ZMYND8: variants seen among roughly 807,000 people sequenced by gnomAD.
ZMYND8 encodes the protein MYND-type zinc finger-containing chromatin reader ZMYND8.
Under a neutral mutation model 140.8 loss-of-function variants are expected in ZMYND8, and 37 were observed. The observed-to-expected ratio is 0.26, with a 90% CI of 0.20 to 0.35. The LOEUF is 0.35. Among genes scored for constraint, ZMYND8 ranks in the 10% least tolerant of loss-of-function variants. The probability of loss-of-function intolerance (pLI) is 1.00; values close to 1 mark genes in which losing one functional copy is unlikely to be tolerated. For missense variants in ZMYND8, 1,068 were observed against 1,570.0 expected, an observed-to-expected ratio of 0.68 and a Z score of 5.40; for synonymous variants, 592 against 597.1, an observed-to-expected ratio of 0.99 and a Z score of 0.12.
chr20:47,228,226 A>G (rs919532758), intron 17 of ZMYND8, among the ~76,000 whole-genome samples: 3 of 152,170 alleles, frequency 2.0e-5, no homozygotes, highest in Non-Finnish European at 2.9e-5. Flanking sequence ...GGTTGTCACA[A>G]TTGAGCAGTG....
At chr20:47,335,468 A>C (rs950336618) in intron 2 of ZMYND8, among the ~76,000 whole-genome samples, 4 of 152,062 alleles carry the variant, frequency 2.6e-5, no homozygotes, top group African/African-American at 9.7e-5. Flanking sequence ...GATCACCTCA[A>C]GTCATCGGTA....
intron 4 of ZMYND8, among the ~76,000 whole-genome samples, chr20:47,296,844 T>C (rs1361334897): frequency 3.3e-5 from 5 of 151,720 alleles, no homozygotes; most frequent in Non-Finnish European, 5.9e-5. Flanking sequence ...TGGTCCCAGG[T>C]ACTCAGGAGG....
intron 2 of ZMYND8, among the ~76,000 whole-genome samples, chr20:47,312,238 C>T (rs2078994094): frequency 6.6e-6 from 1 of 152,160 alleles, no homozygotes; most frequent in Non-Finnish European, 1.5e-5. Context: ...CAACGTGGTC[C>T]ACGCAAGGCC....
At position 47,209,748 on chromosome 20, in the gene ZMYND8, T is replaced by C. The variant is rs2035005468; in HGVS notation, c.*1013A>G. The C allele has an allele frequency of 1.3e-5, 2 of 152,686 alleles. No homozygotes were observed. The highest frequency in any genetic ancestry group is 2.1e-4 in the South Asian group (1 of 4,834). The allele number at this position is 152,686 out of a possible 1,614,324, so 9.5% of individuals were successfully genotyped here. On this transcript the variant is annotated 3_prime_UTR_variant, in exon 23 of 23. Coordinates refer to ENST00000471951, the MANE Select transcript of ZMYND8 (RefSeq NM_001281775.3). ...CAGCATACGTAGTGTACGGACAGCA[T>C]GACGGGCCTTGCTTTCTCTCATACT...
chr20:47,348,390 T>C, intron 1 of ZMYND8: 1 of 180,332 alleles, frequency 5.5e-6, no homozygotes, highest in Non-Finnish European at 1.2e-5. Context: ...TACAATTCCC[T>C]GATGAGGCAG....
At chr20:47,327,814 T>G (rs1233811404) in intron 2 of ZMYND8, among the ~76,000 whole-genome samples, 1 of 152,156 alleles carries the variant, frequency 6.6e-6, no homozygotes, top group African/African-American at 2.4e-5. Flanking sequence ...TAACTTATTG[T>G]TTTTTTGTTT....
chr20:47,224,669 C>A (rs2037431632), intron 18 of ZMYND8, 113 bp from the exon 19 acceptor site: 1 of 1,544,308 alleles, frequency 6.5e-7, no homozygotes, highest in Non-Finnish European at 8.7e-7. Context: ...CTGGGAGAAG[C>A]CCTGGCTGTG....
Position 47,246,455 on chromosome 20 carries a change from C to T in ZMYND8, c.1837G>A (p.Glu613Lys). 1 of 1,613,840 alleles carries T rather than the reference C, an allele frequency of 6.2e-7. No homozygotes were observed. The change falls in exon 14 of 23, where the codon GAG becomes AAG. Residue 613 changes from glutamate (E) to lysine (K), a missense_variant. Coordinates refer to ENST00000471951, the MANE Select transcript of ZMYND8 (RefSeq NM_001281775.3). ...TCACTATCGCTACTATCTGACTTCT[C>T]AGAATCCTCCGAATCGCTGTGCTCT... ...AVEHSDSEDS[E>K]KSDSSDSEYI...
At chr20:47,273,312 G>C (rs930507062) in intron 11 of ZMYND8, among the ~76,000 whole-genome samples, 1 of 152,162 alleles carries the variant, frequency 6.6e-6, no homozygotes, top group Non-Finnish European at 1.5e-5. Context: ...TCGGGAGACT[G>C]AGGCGGGTGG....
At chr20:47,319,431 T>G in intron 2 of ZMYND8, 1 of 224,818 alleles carries the variant, frequency 4.4e-6, no homozygotes, top group Non-Finnish European at 9.1e-6. Flanking sequence ...TTTTAACATT[T>G]TTAGTAATTG....
chr20:47,220,128 G>GCC (rs2036729783), intron 21 of ZMYND8, 130 bp downstream of exon 21: 2 of 757,310 alleles, frequency 2.6e-6, no homozygotes, highest in Non-Finnish European at 2.1e-6. Flanking sequence ...CCCACCCCAG[G>GCC]CACCCCTAAG....
chr20:47,314,985 G>A (rs1325717060), intron 2 of ZMYND8, among the ~76,000 whole-genome samples: 2 of 152,158 alleles, frequency 1.3e-5, no homozygotes, highest in African/African-American at 4.8e-5. Flanking sequence ...GCAATTTCTA[G>A]GGACATGGAG....
At chr20:47,257,632 A>C (rs1485575319) in intron 12 of ZMYND8, among the ~76,000 whole-genome samples, 1 of 152,170 alleles carries the variant, frequency 6.6e-6, no homozygotes, top group African/African-American at 2.4e-5. Flanking sequence ...CTGTCATACC[A>C]TATACACACA....
intron 14 of ZMYND8, among the ~76,000 whole-genome samples, chr20:47,240,324 G>A (rs1037785378): frequency 3.9e-5 from 6 of 151,980 alleles, no homozygotes; most frequent in African/African-American, 1.4e-4. Context: ...AGAGCAGCCT[G>A]GCCAACATAG....
chr20:47,279,950 C>T (rs1379207001), intron 10 of ZMYND8, among the ~76,000 whole-genome samples: 1 of 152,002 alleles, frequency 6.6e-6, no homozygotes, highest in African/African-American at 2.4e-5. Flanking sequence ...TGGCAAAACC[C>T]CATCTCTACT....
chr20:47,253,928 G>C (rs1445881771), intron 12 of ZMYND8, among the ~76,000 whole-genome samples: 1 of 152,142 alleles, frequency 6.6e-6, no homozygotes, highest in Non-Finnish European at 1.5e-5. Flanking sequence ...GTTTATTCTT[G>C]TTAGAATAAA....
rs145993756 is a variant in ZMYND8 at position 47,209,956 on chromosome 20, A to T, written c.*805T>A. ...TTAAAGGAACCACAAAGCAAAGATAAGGTTTCTCTTTTTTTCAGAGTTCAT... is the reference window on the plus strand; with the variant it reads ...TTAAAGGAACCACAAAGCAAAGATATGGTTTCTCTTTTTTTCAGAGTTCAT... On this transcript the variant is annotated 3_prime_UTR_variant, in exon 23 of 23. Coordinates refer to ENST00000471951, the MANE Select transcript of ZMYND8 (RefSeq NM_001281775.3). 16 of 152,752 alleles carry T rather than the reference A, an allele frequency of 1.0e-4. No homozygotes were observed. The highest frequency in any genetic ancestry group is 3.8e-4 in the African/African-American group (16 of 41,560). The allele number at this position is 152,752 out of a possible 1,614,324, so 9.5% of individuals were successfully genotyped here.
chr20:47,257,989 C>T (rs568576281), intron 12 of ZMYND8, among the ~76,000 whole-genome samples: 18 of 152,234 alleles, frequency 1.2e-4, no homozygotes, highest in Admixed American at 2.6e-4. Context: ...TCCCAACGTG[C>T]GGGAATTACA....
intron 12 of ZMYND8, among the ~76,000 whole-genome samples, chr20:47,256,854 C>T (rs370743065): frequency 6.6e-6 from 1 of 152,106 alleles, no homozygotes; most frequent in Admixed American, 6.6e-5. Context: ...CGGGGTGTGA[C>T]GACGTTCCCT....
Sources: gnomAD v4.1 joint callset for allele counts (sites outside exome capture counted in the v4.1 genomes callset) on GRCh38, gnomAD v4.1.1 for gene constraint, MANE v1.5 for transcripts, NCBI Gene and HGNC (gene_info 2026-07-23, HGNC 2026-07-21) for gene names.